ADGRB3: variants seen among roughly 807,000 people sequenced by gnomAD.
ADGRB3 encodes brain-specific angiogenesis inhibitor 3.
ADGRB3 carries 37 observed loss-of-function variants against 193.4 expected under a neutral mutation model. The observed-to-expected ratio is 0.19, with a 90% CI of 0.15 to 0.25. The LOEUF is 0.25. Among genes scored for constraint, ADGRB3 ranks in the 10% least tolerant of loss-of-function variants. ADGRB3 has a pLI of 1.00. For missense variants in ADGRB3, 1,637 were observed against 1,852.9 expected, an observed-to-expected ratio of 0.88 and a Z score of 2.14; for synonymous variants, 690 against 644.2, an observed-to-expected ratio of 1.07 and a Z score of -1.08.
chr6:68,820,651 C>T (rs975391910), intron 3 of ADGRB3, among the ~76,000 whole-genome samples: 1 of 152,008 alleles, frequency 6.6e-6, no homozygotes, highest in African/African-American at 2.4e-5. Context: ...CTCCCTCCAC[C>T]GTCCTTCCCA....
At chr6:68,925,589 G>T (rs1455487305) in intron 3 of ADGRB3, among the ~76,000 whole-genome samples, 1 of 151,902 alleles carries the variant, frequency 6.6e-6, no homozygotes, top group Non-Finnish European at 1.5e-5. Context: ...AGATTGTATG[G>T]CTTGAAAGAT....
intron 17 of ADGRB3, among the ~76,000 whole-genome samples, chr6:69,159,310 A>G (rs777721066): frequency 6.6e-6 from 1 of 152,104 alleles, no homozygotes; most frequent in Non-Finnish European, 1.5e-5. Flanking sequence ...TTCCATTTGC[A>G]TTTTAACTGT....
chr6:69,049,383 A>C (rs760350706), intron 15 of ADGRB3, 37 bp downstream of exon 15: 1 of 1,446,246 alleles, frequency 6.9e-7, no homozygotes, highest in Non-Finnish European at 9.6e-7. Context: ...TAATTTTGTA[A>C]ATTATTCCAA....
chr6:69,246,578 T>A (rs1289075098), intron 20 of ADGRB3, among the ~76,000 whole-genome samples: 1 of 152,204 alleles, frequency 6.6e-6, no homozygotes, highest in East Asian at 1.9e-4. Context: ...TGTCCTACTA[T>A]AACCTCCTAG....
chr6:69,122,958 ATGTATATATATGTG>A (rs1282477212), intron 17 of ADGRB3, among the ~76,000 whole-genome samples: 5 of 150,268 alleles, frequency 3.3e-5, no homozygotes, highest in African/African-American at 7.3e-5. Flanking sequence ...AGATATATGT[ATGTATATATATGTG>A]TGTATATATA....
intron 6 of ADGRB3, among the ~76,000 whole-genome samples, chr6:68,947,275 T>C (rs1009702715): frequency 2.0e-5 from 3 of 152,166 alleles, no homozygotes; most frequent in African/African-American, 7.2e-5. Context: ...TGGTCTGTTT[T>C]ACTTATCTCA....
At chr6:69,024,666 G>A (rs1268890657) in intron 13 of ADGRB3, among the ~76,000 whole-genome samples, 1 of 152,190 alleles carries the variant, frequency 6.6e-6, no homozygotes, top group African/African-American at 2.4e-5. Flanking sequence ...AACCCTAACA[G>A]ATACAAGAAT....
At chr6:69,193,310 T>C (rs1582534129) in intron 17 of ADGRB3, among the ~76,000 whole-genome samples, 1 of 152,162 alleles carries the variant, frequency 6.6e-6, no homozygotes, top group Non-Finnish European at 1.5e-5. Flanking sequence ...AGATGGCAGG[T>C]ACTTGTCAGC....
chr6:69,325,259 T>C (rs1768542797), intron 21 of ADGRB3, among the ~76,000 whole-genome samples: 1 of 152,082 alleles, frequency 6.6e-6, no homozygotes, highest in South Asian at 2.1e-4. Context: ...CTAGATAGTA[T>C]GAAATGAGAC....
intron 3 of ADGRB3, among the ~76,000 whole-genome samples, chr6:68,883,565 C>A (rs1489334132): frequency 6.6e-6 from 1 of 152,106 alleles, no homozygotes; most frequent in Non-Finnish European, 1.5e-5. Context: ...TCAGCGAGAC[C>A]ACGAACTCAC....
chr6:68,956,291 T>TTATATA (rs143618979), intron 7 of ADGRB3, 103 bp downstream of exon 7: 8 of 712,328 alleles, frequency 1.1e-5, no homozygotes, highest in African/African-American at 1.9e-5. Flanking sequence ...AAGATAATCA[T>TTATATA]TATATATATA....
At position 69,324,946 on chromosome 6, in the gene ADGRB3, G is replaced by A. The variant is rs759960820; in HGVS notation, c.2889G>A (p.Ala963=). 1.1e-5 allele frequency: 17 copies of A among 1,613,826 alleles called. No individual in the cohort carries two copies. Among genetic ancestry groups the A allele is most frequent in the East Asian group, 6.7e-5 (3 of 44,842 alleles). The part of the protein sequence containing the change: ...LASFCWVLTE[A]WQSYMAVTGK... ...CATTCTGTTGGGTTTTGACTGAGGC[G>A]TGGCAATCATATATGGCTGTAACTG... Residue 963 remains alanine (A), a synonymous_variant, in exon 21 of 32, where the codon GCG becomes GCA. Transcript: ENST00000370598.
chr6:69,224,020 G>C (rs1765955696), intron 17 of ADGRB3, among the ~76,000 whole-genome samples: 1 of 151,464 alleles, frequency 6.6e-6, no homozygotes, highest in Admixed American at 6.6e-5. Flanking sequence ...AGTTACACTG[G>C]AAAAATGGAG....
intron 20 of ADGRB3, among the ~76,000 whole-genome samples, chr6:69,253,385 C>A (rs1366009456): frequency 6.6e-6 from 1 of 151,922 alleles, no homozygotes; most frequent in African/African-American, 2.4e-5. Flanking sequence ...TTGATTGAAT[C>A]TTCAGGTTAA....
At chr6:68,925,096 A>G (rs1380260048) in intron 3 of ADGRB3, among the ~76,000 whole-genome samples, 1 of 151,836 alleles carries the variant, frequency 6.6e-6, no homozygotes, top group Non-Finnish European at 1.5e-5. Context: ...TGATTATATA[A>G]ACTCCAGTCT....
At chr6:69,070,709 G>A (rs956390264) in intron 16 of ADGRB3, among the ~76,000 whole-genome samples, 1 of 152,116 alleles carries the variant, frequency 6.6e-6, no homozygotes, top group Non-Finnish European at 1.5e-5. Flanking sequence ...TATAGCCAAT[G>A]AATCTACATT....
intron 5 of ADGRB3, among the ~76,000 whole-genome samples, chr6:68,937,938 A>G (rs1265105280): frequency 6.6e-6 from 1 of 152,188 alleles, no homozygotes; most frequent in Non-Finnish European, 1.5e-5. Flanking sequence ...TATCACAATA[A>G]AAAAGGACAG....
intron 10 of ADGRB3, among the ~76,000 whole-genome samples, chr6:68,993,370 A>C (rs1312272348): frequency 7.2e-5 from 11 of 152,118 alleles, no homozygotes; most frequent in Admixed American, 7.2e-4. Context: ...TGTTGGTAAA[A>C]ATGGCTATTT....
At chr6:69,192,654 A>G (rs1265817975) in intron 17 of ADGRB3, among the ~76,000 whole-genome samples, 2 of 152,190 alleles carry the variant, frequency 1.3e-5, no homozygotes, top group Non-Finnish European at 2.9e-5. Flanking sequence ...CTTATTTCAA[A>G]GTAGACCAAA....
Sources: allele counts gnomAD v4.1 joint callset (sites outside exome capture counted in the v4.1 genomes callset), GRCh38; gene constraint gnomAD v4.1.1; transcripts MANE v1.5; gene names NCBI Gene and HGNC (gene_info 2026-07-23, HGNC 2026-07-21).